Variants in ATRAID observed in about 807,000 individuals in gnomAD.
ATRAID encodes the protein all-trans retinoic acid-induced differentiation factor.
A neutral mutation model predicts 28.8 loss-of-function variants in ATRAID; 26 were observed. That is an observed-to-expected ratio of 0.90 (90% CI 0.66 to 1.25). The LOEUF is 1.25. ATRAID is among the 50% of genes most tolerant of loss of function. The pLI, the probability that ATRAID is intolerant of heterozygous loss-of-function variation, is 0.00. For synonymous variants in ATRAID, 131 were observed against 108.5 expected, an observed-to-expected ratio of 1.21 and a Z score of -1.29; for missense variants, 308 against 285.9, an observed-to-expected ratio of 1.08 and a Z score of -0.56.
Position 27,215,763 on chromosome 2 carries a change from CT to C in ATRAID, c.487+12del. On this transcript the variant is annotated intron_variant, in intron 5 of 6. Coordinates refer to ENST00000380171, the MANE Select transcript of ATRAID (RefSeq NM_001170795.4). ...AACACTGGGGACCCAGGTATGCTGT[CT>C]TACCTCCAAACTTCTGGGAATTGTC... The C allele has an allele frequency of 6.2e-7, 1 of 1,612,404 alleles. No homozygotes were observed. The highest frequency in any genetic ancestry group is 8.5e-7 in the Non-Finnish European group (1 of 1,179,492).
chr2:27,215,158 T>C (rs780026814), intron 2 of ATRAID, among the ~76,000 whole-genome samples, 163 bp from the exon 3 acceptor site: 5 of 152,148 alleles, frequency 3.3e-5, no homozygotes, highest in African/African-American at 4.8e-5. Flanking sequence ...TTCTATTGGA[T>C]AATGCAGAAT....
At chr2:27,215,069 G>A (rs1379019986) in intron 2 of ATRAID, among the ~76,000 whole-genome samples, 1 of 152,044 alleles carries the variant, frequency 6.6e-6, no homozygotes, top group African/African-American at 2.4e-5. Context: ...TAAAGTGCTG[G>A]GATTACAGGA....
In ATRAID at chr2:27,212,242, C is replaced by T. The variant is rs779407253; in HGVS notation, c.-127C>T. 2 of 1,560,668 alleles carry T rather than the reference C, an allele frequency of 1.3e-6. No individual in the cohort carries two copies. Among genetic ancestry groups the T allele is most frequent in the African/African-American group, 1.4e-5 (1 of 73,934 alleles). On this transcript the variant is annotated 5_prime_UTR_variant, in exon 1 of 7. Coordinates refer to ENST00000380171, the MANE Select transcript of ATRAID (RefSeq NM_001170795.4). ...CAGAGCTCCACGAGCAGGAAAAGCC[C>T]CCAAGCAGCCCCAGGGCGACTGGAC...
chr2:27,212,183 C>T lies in ATRAID; in HGVS notation c.-186C>T, dbSNP rs1441303077. The T allele has an allele frequency of 1.3e-6, 2 of 1,541,846 alleles. No homozygotes were observed. Among genetic ancestry groups the T allele is most frequent in the East Asian group, 2.5e-5 (1 of 40,642 alleles). On this transcript the variant is annotated 5_prime_UTR_variant, in exon 1 of 7. Coordinates refer to ENST00000380171, the MANE Select transcript of ATRAID (RefSeq NM_001170795.4). ...AAGGAAGAGGGGGTCGGCCAGTATC[C>T]CCGAAAGAGGGCTAGGGCGCATGAA...
In ATRAID at chr2:27,212,088, G is replaced by C; in HGVS notation, c.-281G>C. The C allele has an allele frequency of 1.5e-6, 2 of 1,373,470 alleles. No individual in the cohort carries two copies. The highest frequency in any genetic ancestry group is 9.7e-7 in the Non-Finnish European group (1 of 1,034,026). The allele number at this position is 1,373,470 out of a possible 1,614,324, so 85.1% of individuals were successfully genotyped here. A position where few individuals can be genotyped will look rare whatever the true frequency, so the allele number is the denominator to read the frequency against. Reference sequence around the variant, plus strand: ...TCGGCGTCCGGACGCGGGGAACACCGGGCTGAGGGAGTCTGCAGTCGGCTC... The same window carrying C: ...TCGGCGTCCGGACGCGGGGAACACCCGGCTGAGGGAGTCTGCAGTCGGCTC... On this transcript the variant is annotated 5_prime_UTR_variant, in exon 1 of 7. Transcript: ENST00000380171.
chr2:27,214,801 G>A lies in ATRAID; in HGVS notation c.222-520G>A, dbSNP rs181934925. On this transcript the variant is annotated intron_variant, in intron 2 of 6. Transcript: ENST00000380171. ...CGGGAGATGGAGGTTGCAGTGAGCC[G>A]AGATCGTGCCACTGCACTCCAGCTT... 3.0e-4 allele frequency among the ~76,000 whole-genome samples: 45 copies of A among 152,294 alleles called. No homozygotes were observed. The East Asian group carries it at 7.9e-3, about 27-fold the overall frequency.
chr2:27,213,410 T>TCTGATTA lies in ATRAID; in HGVS notation c.221+113_221+114insTGATTAC, dbSNP rs1273790756. 2.4e-5 allele frequency: 33 copies of TCTGATTA among 1,358,142 alleles called. No individual in the cohort carries two copies. The East Asian group carries it at 7.9e-4, about 32-fold the overall frequency. 84.1% of individuals were successfully genotyped at this position (1,358,142 alleles called of 1,614,324 possible). A position where few individuals can be genotyped will look rare whatever the true frequency, so the allele number is the denominator to read the frequency against. On this transcript the variant is annotated intron_variant, in intron 2 of 6. Coordinates refer to ENST00000380171, the MANE Select transcript of ATRAID (RefSeq NM_001170795.4). ...CCTATTATGGTTTCAGCTGTAATCATCACGCAGATGTCTACCAAAACTAGA... is the reference window on the plus strand; with the variant it reads ...CCTATTATGGTTTCAGCTGTAATCATCTGATTACACGCAGATGTCTACCAAAACTAGA...
Position 27,216,991 on chromosome 2 carries a change from T to C in ATRAID, c.*43T>C, listed in dbSNP as rs1572415260. 2 of 1,509,782 alleles carry C rather than the reference T, an allele frequency of 1.3e-6. No homozygotes were observed. Among genetic ancestry groups the C allele is most frequent in the East Asian group, 4.5e-5 (2 of 44,054 alleles). The allele number at this position is 1,509,782 out of a possible 1,614,324, so 93.5% of individuals were successfully genotyped here. A position where few individuals can be genotyped will look rare whatever the true frequency, so the allele number is the denominator to read the frequency against. On this transcript the variant is annotated 3_prime_UTR_variant, in exon 7 of 7. Transcript: ENST00000380171. Reference sequence around the variant, plus strand: ...ATTGACCTAAGATCAATCTGAACTATCTTAGCCCAGTCAGGGAGCTCTGCT... The same window carrying C: ...ATTGACCTAAGATCAATCTGAACTACCTTAGCCCAGTCAGGGAGCTCTGCT...
In ATRAID at chr2:27,217,035, C is replaced by T; in HGVS notation, c.*87C>T. The T allele has an allele frequency of 2.5e-6, 3 of 1,218,092 alleles. No individual in the cohort carries two copies. Among genetic ancestry groups the T allele is most frequent in the Non-Finnish European group, 3.4e-6 (3 of 873,782 alleles). 75.5% of individuals were successfully genotyped at this position (1,218,092 alleles called of 1,614,324 possible). On this transcript the variant is annotated 3_prime_UTR_variant, in exon 7 of 7. Coordinates refer to ENST00000380171, the MANE Select transcript of ATRAID (RefSeq NM_001170795.4). ...CTCTGCTTCCTAGAAAGGCATCTTT[C>T]GCCAGTGGATTCGCCTCAAGGTTGA...
intron 1 of ATRAID, 65 bp from the exon 2 acceptor site, chr2:27,213,112 G>C (rs1674668959): frequency 2.5e-6 from 4 of 1,581,228 alleles, no homozygotes; most frequent in Non-Finnish European, 3.5e-6. Flanking sequence ...GTTAATTCTT[G>C]ATCGCCGTTT....
intron 5 of ATRAID, 128 bp downstream of exon 5, chr2:27,215,881 A>G (rs995968546): frequency 5.5e-6 from 7 of 1,261,602 alleles, no homozygotes; most frequent in Non-Finnish European, 7.7e-6. Flanking sequence ...CCCCTTTGAA[A>G]GAAAAGATCT....
At chr2:27,215,047 C>T (rs533042060) in intron 2 of ATRAID, among the ~76,000 whole-genome samples, 1 of 152,234 alleles carries the variant, frequency 6.6e-6, no homozygotes, top group South Asian at 2.1e-4. Flanking sequence ...GATCCTCCCC[C>T]GCTTGGCCTC....
In ATRAID at chr2:27,215,446, G is replaced by A. The variant is rs761654510; in HGVS notation, c.294-28G>A. The A allele has an allele frequency of 2.3e-5, 37 of 1,614,004 alleles. No individual in the cohort carries two copies. The South Asian group carries it at 2.5e-4, about 11-fold the overall frequency. On this transcript the variant is annotated intron_variant, in intron 3 of 6. Transcript: ENST00000380171. ...AGGCTAATATAATGTAGGTTGATGC[G>A]AAAGTGCTAACATTGTGTACTTTGC...
chr2:27,216,382 G>C, intron 5 of ATRAID, 141 bp from the exon 6 acceptor site: 1 of 730,316 alleles, frequency 1.4e-6, no homozygotes, highest in Non-Finnish European at 2.4e-6. Flanking sequence ...TGACATTATT[G>C]TTACTGTTTT....
Position 27,212,405 on chromosome 2 carries a change from G to A in ATRAID, c.37G>A (p.Val13Met), listed in dbSNP as rs1172545392. ...PHDPGSLTTL[V>M]PWAAALLLAL... Reference sequence around the variant, plus strand: ...CGACCCGGGTAGTCTTACGACCCTGGTGCCCTGGGCTGCCGCCCTGCTCCT... The same window carrying A: ...CGACCCGGGTAGTCTTACGACCCTGATGCCCTGGGCTGCCGCCCTGCTCCT... Residue 13 changes from valine to methionine, a missense_variant, in exon 1 of 7, where the codon GTG (valine) becomes ATG (methionine). Physicochemically the swap from Val to Met is conservative, Grantham distance 21. Transcript: ENST00000380171. 6.4e-7 allele frequency: 1 copy of A among 1,552,168 alleles called. No homozygotes were observed. The highest frequency in any genetic ancestry group is 1.2e-5 in the South Asian group (1 of 84,046).
Position 27,214,617 on chromosome 2 carries a change from G to T in ATRAID, c.222-704G>T, listed in dbSNP as rs141686057. Among the ~76,000 whole-genome samples the T allele has an allele frequency of 4.0e-3, 608 of 152,310 alleles. 5 individuals are homozygous for T. Among genetic ancestry groups the T allele is most frequent in the African/African-American group, 0.014 (582 of 41,560 alleles). On this transcript the variant is annotated intron_variant, in intron 2 of 6. Coordinates refer to ENST00000380171, the MANE Select transcript of ATRAID (RefSeq NM_001170795.4). ...GCCTGTAATCCCAGCACTTTGGGAG[G>T]CCCAGATGGGCGGATCACGAGGTCA...
intron 6 of ATRAID, 23 bp from the exon 7 acceptor site, chr2:27,216,821 G>GT (rs771382401): frequency 6.9e-6 from 11 of 1,597,084 alleles, no homozygotes; most frequent in Non-Finnish European, 9.4e-6. Flanking sequence ...GTATGGGGGT[G>GT]TTTTTTGGTC....
chr2:27,216,765 A>T (rs1490794304), intron 6 of ATRAID, 79 bp from the exon 7 acceptor site: 1 of 1,451,080 alleles, frequency 6.9e-7, no homozygotes, highest in African/African-American at 1.4e-5. Context: ...TGATAGGTAT[A>T]TTAGGAAAGA....
rs1035751987 is a variant in ATRAID at position 27,213,137 on chromosome 2, T to A, written c.100-40T>A. 5.0e-6 allele frequency: 8 copies of A among 1,594,302 alleles called. No individual in the cohort carries two copies. The South Asian group carries it at 6.7e-5, about 13-fold the overall frequency. The stretch of plus-strand genomic sequence containing the variant: ...GATCGCCGTTTGTTCTTTTCTTGGC[T>A]TTTCTTTCTGGAGTTCTAATGTTTC... On this transcript the variant is annotated intron_variant, in intron 1 of 6. Coordinates refer to ENST00000380171, the MANE Select transcript of ATRAID (RefSeq NM_001170795.4).
Sources: allele counts gnomAD v4.1 joint callset (sites outside exome capture counted in the v4.1 genomes callset), GRCh38; gene constraint gnomAD v4.1.1; transcripts MANE v1.5; gene names NCBI Gene and HGNC (gene_info 2026-07-23, HGNC 2026-07-21).